Variants in MAGI1 observed in about 807,000 individuals in gnomAD.
The protein encoded by MAGI1 is membrane associated guanylate kinase, WW and PDZ domain containing 1.
In MAGI1, 58 loss-of-function variants were observed where a neutral mutation model predicts 139.9. That is an observed-to-expected ratio of 0.41 (90% CI 0.34 to 0.52). MAGI1 has a LOEUF of 0.52. Ranked by LOEUF, MAGI1 falls within the 20% of genes least tolerant of loss-of-function variation. The pLI is 0.12. For missense variants in MAGI1, 1,874 were observed against 1,901.6 expected (o/e 0.99, Z 0.27); for synonymous variants, 812 against 737.9 (o/e 1.10, Z -1.63).
intron 6 of MAGI1, chr3:65,452,969 T>G (rs1474734691): frequency 6.6e-6 from 2 of 302,010 alleles, no homozygotes; most frequent in Non-Finnish European, 1.2e-5. Flanking sequence ...TAGAATTTAC[T>G]CTAAGTTCCT....
intron 2 of MAGI1, among the ~76,000 whole-genome samples, chr3:65,611,324 C>G (rs2083090805): frequency 7.1e-6 from 1 of 140,360 alleles, no homozygotes; most frequent in African/African-American, 2.6e-5. Context: ...TATATGTACA[C>G]TATATACTAT....
intron 2 of MAGI1, among the ~76,000 whole-genome samples, chr3:65,554,999 G>A (rs973844883): frequency 1.3e-5 from 2 of 152,200 alleles, no homozygotes; most frequent in African/African-American, 4.8e-5. Context: ...ACATGGATTA[G>A]TTAATAGCCA....
intron 1 of MAGI1, among the ~76,000 whole-genome samples, chr3:66,020,256 G>A (rs546935730): frequency 1.3e-5 from 2 of 152,286 alleles, no homozygotes; most frequent in East Asian, 1.9e-4. Flanking sequence ...AGCCAACATG[G>A]TGAAACTCCA....
chr3:65,965,357 T>G (rs1454354581), intron 1 of MAGI1, among the ~76,000 whole-genome samples: 1 of 152,248 alleles, frequency 6.6e-6, no homozygotes, highest in African/African-American at 2.4e-5. Context: ...AAATATATTT[T>G]AAATGGAAAC....
At chr3:65,757,596 C>T (rs1487676261) in intron 1 of MAGI1, among the ~76,000 whole-genome samples, 1 of 152,148 alleles carries the variant, frequency 6.6e-6, no homozygotes, top group Admixed American at 6.5e-5. Context: ...CAAGATCACA[C>T]CATTGCACTC....
rs1217312466 is a variant in MAGI1, at chr3:66,038,282, GTTC to G, written c.24_26del (p.Lys8del). 1.9e-6 allele frequency: 3 copies of G among 1,596,460 alleles called. No homozygotes were observed. Among genetic ancestry groups the G allele is most frequent in the Non-Finnish European group, 2.6e-6 (3 of 1,170,670 alleles). On this transcript the variant is annotated inframe_deletion, in exon 1 of 23. Transcript: ENST00000402939. ...ATTCGTGAACCCTGCTAGTCCAGTG[GTTC>G]TTCTTCTGGATCACTTTGGACATGA...
intron 2 of MAGI1, among the ~76,000 whole-genome samples, chr3:65,611,151 A>ATT (rs2083071940): frequency 7.1e-6 from 1 of 140,642 alleles, no homozygotes; most frequent in Admixed American, 7.5e-5. Flanking sequence ...TATATAGTAT[A>ATT]TATACAGTAT....
At chr3:65,626,284 T>A (rs1389638348) in intron 1 of MAGI1, among the ~76,000 whole-genome samples, 2 of 152,188 alleles carry the variant, frequency 1.3e-5, no homozygotes, top group Non-Finnish European at 2.9e-5. Context: ...ATGTGGTAAC[T>A]ATCAAGATAA....
chr3:65,888,370 G>A (rs1417359951), intron 1 of MAGI1, among the ~76,000 whole-genome samples: 1 of 152,196 alleles, frequency 6.6e-6, no homozygotes, highest in African/African-American at 2.4e-5. Flanking sequence ...GAAGTACTGA[G>A]CAGGGAATTA....
intron 15 of MAGI1, among the ~76,000 whole-genome samples, chr3:65,382,480 T>G (rs1334979874): frequency 1.3e-5 from 2 of 152,208 alleles, no homozygotes; most frequent in Admixed American, 1.3e-4. Flanking sequence ...GAATCTGTAA[T>G]AAATACTCTT....
chr3:65,615,060 A>T (rs2106977997), intron 2 of MAGI1, among the ~76,000 whole-genome samples: 1 of 152,002 alleles, frequency 6.6e-6, no homozygotes, highest in Admixed American at 6.6e-5. Context: ...AGGAAAGAGA[A>T]AAACCAAGCA....
intron 1 of MAGI1, among the ~76,000 whole-genome samples, chr3:65,897,384 C>T (rs574254814): frequency 2.6e-5 from 4 of 151,670 alleles, no homozygotes; most frequent in East Asian, 3.9e-4. Flanking sequence ...AACCAAACAC[C>T]GCATGTTCTC....
intron 1 of MAGI1, among the ~76,000 whole-genome samples, chr3:66,036,596 G>C (rs558010913): frequency 6.6e-6 from 1 of 152,218 alleles, no homozygotes; most frequent in Non-Finnish European, 1.5e-5. Flanking sequence ...CCATAGCTAA[G>C]TGTCAGCTCC....
At chr3:65,391,382 G>T in intron 13 of MAGI1, 24 bp from the exon 14 acceptor site, 2 of 1,592,804 alleles carry the variant, frequency 1.3e-6, no homozygotes, top group East Asian at 2.2e-5. Context: ...AGTGAGAGGG[G>T]CAAGAAGAAA....
intron 2 of MAGI1, among the ~76,000 whole-genome samples, chr3:65,545,112 T>G (rs1170494019): frequency 6.6e-6 from 1 of 152,160 alleles, no homozygotes; most frequent in Non-Finnish European, 1.5e-5. Flanking sequence ...TGGACACATA[T>G]GAAAACTTCA....
chr3:65,754,074 T>C lies in MAGI1; in HGVS notation c.314-131986A>G, dbSNP rs58907964. On this transcript the variant is annotated intron_variant, in intron 1 of 22. Transcript: ENST00000402939. ...GATCTTAGGGATTCCCAAAGAACTTTCTTCAATTCCCCATCCTCATTTTCT... is the reference window on the plus strand; with the variant it reads ...GATCTTAGGGATTCCCAAAGAACTTCCTTCAATTCCCCATCCTCATTTTCT... 5.6e-3 allele frequency among the ~76,000 whole-genome samples: 853 copies of C among 152,290 alleles called. 9 individuals are homozygous for C. The highest frequency in any genetic ancestry group is 0.02 in the African/African-American group (813 of 41,576).
rs1044389444 is a variant in MAGI1 at position 65,355,288 on chromosome 3, G to C, written c.*1090C>G. 6.6e-6 allele frequency: 1 copy of C among 152,140 alleles called. No homozygotes were observed. Among genetic ancestry groups the C allele is most frequent in the Non-Finnish European group, 1.5e-5 (1 of 68,058 alleles). 9.4% of individuals were successfully genotyped at this position (152,140 alleles called of 1,614,324 possible). A position where few individuals can be genotyped will look rare whatever the true frequency, so the allele number is the denominator to read the frequency against. On this transcript the variant is annotated 3_prime_UTR_variant, in exon 23 of 23. Transcript: ENST00000402939. ...TCCCTTCTACCAACCTAGAGACTTG[G>C]ACTATGGTTTCAAAGTGAAATTGGC...
chr3:65,445,378 C>T (rs1948613541), intron 7 of MAGI1, among the ~76,000 whole-genome samples: 1 of 152,186 alleles, frequency 6.6e-6, no homozygotes, highest in Non-Finnish European at 1.5e-5. Flanking sequence ...CAGGAAAGCA[C>T]AAAAGGAATA....
At chr3:65,733,359 T>C (rs1213735753) in intron 1 of MAGI1, among the ~76,000 whole-genome samples, 1 of 152,164 alleles carries the variant, frequency 6.6e-6, no homozygotes, top group African/African-American at 2.4e-5. Context: ...CGTGCCCAGC[T>C]GTGTTTTGTG....
Sources: gnomAD v4.1 joint callset for allele counts (sites outside exome capture counted in the v4.1 genomes callset) on GRCh38, gnomAD v4.1.1 for gene constraint, MANE v1.5 for transcripts, NCBI Gene and HGNC (gene_info 2026-07-23, HGNC 2026-07-21) for gene names.